SNAPC4: variants seen among roughly 807,000 people sequenced by gnomAD.
The protein encoded by SNAPC4 is small nuclear RNA activating complex polypeptide 4, also known as snRNA-activating protein complex subunit 4.
SNAPC4 carries 127 observed loss-of-function variants against 151.3 expected under a neutral mutation model. That is an observed-to-expected ratio of 0.84 (90% CI 0.73 to 0.97). The LOEUF (loss-of-function observed/expected upper bound fraction) is 0.97, where lower values mean the gene tolerates loss of function less well. SNAPC4 is among the 50% of genes least tolerant of loss of function. The pLI is 0.00. For missense variants in SNAPC4, 2,186 were observed against 1,935.0 expected, an observed-to-expected ratio of 1.13 and a Z score of -2.43; for synonymous variants, 1,002 against 824.4, an observed-to-expected ratio of 1.22 and a Z score of -3.69.
chr9:136,385,812 C>T (rs1375187765), intron 13 of SNAPC4, among the ~76,000 whole-genome samples: 4 of 152,128 alleles, frequency 2.6e-5, no homozygotes, highest in Admixed American at 2.6e-4. Flanking sequence ...CCTTGGCCTC[C>T]CAAAGTGCTA....
Position 136,392,490 on chromosome 9 carries a change from C to T in SNAPC4, c.810+32G>A, listed in dbSNP as rs773866012. 1.9e-6 allele frequency: 3 copies of T among 1,606,688 alleles called. No individual in the cohort carries two copies. In the Admixed American group the frequency reaches 5.0e-5, roughly 27 times the overall value. Reference sequence around the variant, plus strand: ...GGGCTACAGGGAGCTGTGCTCCAAGCTGCTTGGGGCTCAGACCTGCCCCTG... The same window carrying T: ...GGGCTACAGGGAGCTGTGCTCCAAGTTGCTTGGGGCTCAGACCTGCCCCTG... On this transcript the variant is annotated intron_variant, in intron 9 of 23. Transcript: ENST00000684778.
intron 7 of SNAPC4, 108 bp downstream of exon 7, chr9:136,394,141 C>T (rs1160399299): frequency 1.1e-6 from 1 of 900,496 alleles, no homozygotes; most frequent in Non-Finnish European, 1.9e-6. Flanking sequence ...TGGGCTTGAA[C>T]TGGGTTCAAG....
Position 136,383,347 on chromosome 9 carries a change from G to C in SNAPC4, c.1822C>G (p.Gln608Glu), listed in dbSNP as rs1213551138. ...LSPPKGSSAS[Q>E]GGSKEASTTA... ...GTGGAAGCTTCCTTGCTGCCGCCCT[G>C]GCTGGCACTGGACCCCTTGGGAGGG... Residue 608 changes from glutamine to glutamate, a missense_variant, in exon 16 of 24, where the codon CAG (glutamine) becomes GAG (glutamate). Coordinates refer to ENST00000684778, the MANE Select transcript of SNAPC4 (RefSeq NM_003086.4). This position sits in a 1 kb window ranked among gnomAD's most constrained non-coding sequence, Gnocchi z 4.2. 1 of 1,608,404 alleles carries C rather than the reference G, an allele frequency of 6.2e-7. No homozygotes were observed. Among genetic ancestry groups the C allele is most frequent in the Non-Finnish European group, 8.5e-7 (1 of 1,178,024 alleles).
intron 19 of SNAPC4, 106 bp from the exon 20 acceptor site, chr9:136,380,956 CCTT>C (rs1833668356): frequency 1.5e-6 from 1 of 666,782 alleles, no homozygotes; most frequent in Non-Finnish European, 2.7e-6. Flanking sequence ...GGGGCGGCTA[CCTT>C]GAGACCTCAG....
chr9:136,377,550 G>C lies in SNAPC4; in HGVS notation c.4277C>G (p.Pro1426Arg). The change falls in exon 22 of 24, where the codon CCC becomes CGC. Residue 1426 changes from proline to arginine, a missense_variant. Transcript: ENST00000684778. ...GQPGCTTATC[P>R]IQGAPDSGKC... ...GCTGGGCGCCCACCCTACCTGAATG[G>C]GGCATGTGGCTGTCGTGCAGCCCGG... 4 of 1,514,156 alleles carry C rather than the reference G, an allele frequency of 2.6e-6. No individual in the cohort carries two copies. Among genetic ancestry groups the C allele is most frequent in the Non-Finnish European group, 3.5e-6 (4 of 1,130,564 alleles). The allele number at this position is 1,514,156 out of a possible 1,614,324, so 93.8% of individuals were successfully genotyped here.
In SNAPC4 at chr9:136,394,317, T is replaced by C. The variant is rs200009205; in HGVS notation, c.564A>G (p.Glu188=). The C allele has an allele frequency of 6.2e-7, 1 of 1,613,678 alleles. No homozygotes were observed. ...CCACTGACTTTCGGAGCAAGGCCTT[T>C]TCCCAGTTTTTCCCTGAGGAGAAGC... is the stretch of plus-strand genomic sequence containing the variant. ...ELLVTKWKNW[E]KALLRKSVVS... Residue 188 remains glutamate, a synonymous_variant, in exon 7 of 24, where the codon GAA becomes GAG. Coordinates refer to ENST00000684778, the MANE Select transcript of SNAPC4 (RefSeq NM_003086.4).
chr9:136,399,968 G>A (rs1422623893), intron 1 of SNAPC4, among the ~76,000 whole-genome samples, 166 bp downstream of exon 1: 2 of 152,062 alleles, frequency 1.3e-5, no homozygotes, highest in African/African-American at 2.4e-5. Context: ...GCCCAGGCTC[G>A]GCCGGACGGG....
rs746819680 is a variant in SNAPC4, at chr9:136,382,049, G to A, written c.2092C>T (p.Leu698=). ...CTGACCCCTGGGGATGAGGTGGGCA[G>A]GGGTGGCTGCCTCAGCTGCTCTTTC... ...TQKEQLRQPP[L]PTSSPGVSSG... Residue 698 remains leucine (L), a synonymous_variant, in exon 18 of 24, where the codon CTG becomes TTG. Coordinates refer to ENST00000684778, the MANE Select transcript of SNAPC4 (RefSeq NM_003086.4). 6.3e-7 allele frequency: 1 copy of A among 1,597,180 alleles called. No individual in the cohort carries two copies. Among genetic ancestry groups the A allele is most frequent in the African/African-American group, 1.3e-5 (1 of 74,598 alleles).
At chr9:136,390,840 A>ATTTT (rs1440309507) in intron 10 of SNAPC4, among the ~76,000 whole-genome samples, 1 of 145,478 alleles carries the variant, frequency 6.9e-6, no homozygotes, top group Non-Finnish European at 1.5e-5. Context: ...TTATTTATTT[A>ATTTT]TTTTTTTTTT....
intron 14 of SNAPC4, 109 bp downstream of exon 14, chr9:136,384,611 C>T (rs1833824957): frequency 6.8e-6 from 4 of 590,962 alleles, no homozygotes; most frequent in East Asian, 3.1e-5. Flanking sequence ...GTCGCACCAC[C>T]GCACCCCAGC....
intron 3 of SNAPC4, among the ~76,000 whole-genome samples, chr9:136,396,227 G>T (rs1834268950): frequency 6.6e-6 from 1 of 152,238 alleles, no homozygotes; most frequent in Non-Finnish European, 1.5e-5. Flanking sequence ...GTGCCCACAG[G>T]CTACAGCAGG....
intron 4 of SNAPC4, 76 bp downstream of exon 4, chr9:136,395,527 G>C (rs1181661084): frequency 1.9e-6 from 3 of 1,565,824 alleles, no homozygotes; most frequent in Non-Finnish European, 2.6e-6. Context: ...GGGGAGCCCT[G>C]GACCTGGGAG....
intron 10 of SNAPC4, among the ~76,000 whole-genome samples, chr9:136,389,491 G>A (rs975388311): frequency 1.3e-4 from 20 of 152,094 alleles, no homozygotes; most frequent in Admixed American, 8.5e-4. Flanking sequence ...TTCCCAGCTC[G>A]CTACATCACA....
In SNAPC4 at chr9:136,377,858, G is replaced by A. The variant is rs745994919; in HGVS notation, c.3969C>T (p.Ala1323=). The part of the protein sequence containing the change: ...ALSGLLLHKK[A]LEHKATSLVV... Reference sequence around the variant, plus strand: ...CCAGGGAGGTGGCCTTGTGCTCCAGGGCCTTCTTGTGGAGTAGGAGACCGG... The same window carrying A: ...CCAGGGAGGTGGCCTTGTGCTCCAGAGCCTTCTTGTGGAGTAGGAGACCGG... The change falls in exon 22 of 24, where the codon GCC becomes GCT. Residue 1323 remains alanine (A), a synonymous_variant. Coordinates refer to ENST00000684778, the MANE Select transcript of SNAPC4 (RefSeq NM_003086.4). The A allele has an allele frequency of 2.2e-5, 36 of 1,611,388 alleles. No homozygotes were observed. Among genetic ancestry groups the A allele is most frequent in the Non-Finnish European group, 2.7e-5 (32 of 1,179,832 alleles).
intron 10 of SNAPC4, among the ~76,000 whole-genome samples, chr9:136,390,331 A>G (rs1240558728): frequency 6.6e-6 from 1 of 152,060 alleles, no homozygotes; most frequent in Non-Finnish European, 1.5e-5. Context: ...TGAGGCCGGC[A>G]GATCACAACG....
chr9:136,392,124 C>A lies in SNAPC4; in HGVS notation c.811-18G>T, dbSNP rs755109680. 1 of 1,610,586 alleles carries A rather than the reference C, an allele frequency of 6.2e-7. No individual in the cohort carries two copies. The highest frequency in any genetic ancestry group is 1.7e-5 in the Admixed American group (1 of 60,016). On this transcript the variant is annotated intron_variant, in intron 9 of 23. Coordinates refer to ENST00000684778, the MANE Select transcript of SNAPC4 (RefSeq NM_003086.4). ...CCTTCAAACTGCACCGACAGAGACA[C>A]TCAGCCTTGCAGGCCACTGACCCCA...
In SNAPC4 at chr9:136,386,025, A is replaced by C. The variant is rs912009997; in HGVS notation, c.1326-1211T>G. On this transcript the variant is annotated intron_variant, in intron 13 of 23. Coordinates refer to ENST00000684778, the MANE Select transcript of SNAPC4 (RefSeq NM_003086.4). ...GATTCTTTTGGGTTTTATGCTTATC[A>C]ATCTTGGGGGTATAATTCTATGTTT... 4.6e-5 allele frequency among the ~76,000 whole-genome samples: 7 copies of C among 152,058 alleles called. No individual in the cohort carries two copies. The East Asian group carries it at 1.3e-3, about 29-fold the overall frequency.
Position 136,398,414 on chromosome 9 carries a change from A to C in SNAPC4, c.15T>G (p.Ala5=). The part of the protein sequence containing the change: MDVD[A]EREKITQEIK... ...TCTCCTGTGTTATCTTCTCTCTTTCAGCATCTACATCCATGACTCCCGCCT... is the reference window on the plus strand; with the variant it reads ...TCTCCTGTGTTATCTTCTCTCTTTCCGCATCTACATCCATGACTCCCGCCT... Residue 5 remains alanine, a synonymous_variant, in exon 2 of 24, where the codon GCT becomes GCG. Transcript: ENST00000684778. 6.2e-7 allele frequency: 1 copy of C among 1,613,552 alleles called. No individual in the cohort carries two copies. The highest frequency in any genetic ancestry group is 1.1e-5 in the South Asian group (1 of 91,060).
rs778150788 is a variant in SNAPC4 at position 136,392,464 on chromosome 9, C to T, written c.810+58G>A. 87 of 1,551,574 alleles carry T rather than the reference C, an allele frequency of 5.6e-5. No individual in the cohort carries two copies. In the Middle Eastern group the frequency reaches 1.9e-3, roughly 33 times the overall value. On this transcript the variant is annotated intron_variant, in intron 9 of 23. Transcript: ENST00000684778. ...CTTACCACCCAATTCCAACTGCACC[C>T]GGGCTACAGGGAGCTGTGCTCCAAG...
Sources: allele counts gnomAD v4.1 joint callset (sites outside exome capture counted in the v4.1 genomes callset), GRCh38; gene constraint gnomAD v4.1.1; non-coding constraint Gnocchi (gnomAD v3.1); transcripts MANE v1.5; gene names NCBI Gene and HGNC (gene_info 2026-07-23, HGNC 2026-07-21).